The following DSCAM variants were observed in gnomAD, a reference collection of about 807,000 sequenced individuals.
The protein encoded by DSCAM is DS cell adhesion molecule, also known as cell adhesion molecule DSCAM.
In DSCAM, 47 loss-of-function variants were observed where a neutral mutation model predicts 217.7. The ratio of observed to expected loss-of-function variants is 0.22; its 90% CI spans 0.17 to 0.28. DSCAM has a LOEUF of 0.28. Among genes scored for constraint, DSCAM ranks in the 10% least tolerant of loss-of-function variants. The pLI is 1.00. For missense variants in DSCAM, 2,080 were observed against 2,618.3 expected (o/e 0.79, Z 4.49); for synonymous variants, 1,056 against 1,015.3 (o/e 1.04, Z -0.76).
At chr21:40,057,156 C>A (rs2089038469) in intron 28 of DSCAM, among the ~76,000 whole-genome samples, 3 of 152,214 alleles carry the variant, frequency 2.0e-5, no homozygotes, top group Admixed American at 2.0e-4. Flanking sequence ...AGATTGCTTG[C>A]TCTGCAGATA....
At chr21:40,056,654 T>C (rs1247122756) in intron 28 of DSCAM, among the ~76,000 whole-genome samples, 1 of 152,204 alleles carries the variant, frequency 6.6e-6, no homozygotes, top group Non-Finnish European at 1.5e-5. Context: ...AATAAGACTT[T>C]ACTAGATGTT....
At chr21:40,638,044 G>A (rs1284862466) in intron 3 of DSCAM, among the ~76,000 whole-genome samples, 1 of 152,016 alleles carries the variant, frequency 6.6e-6, no homozygotes, top group East Asian at 1.9e-4. Flanking sequence ...CAGCATTTTA[G>A]GCAAAAGTAG....
intron 11 of DSCAM, among the ~76,000 whole-genome samples, chr21:40,265,759 G>T (rs1386737129): frequency 6.6e-6 from 1 of 151,978 alleles, no homozygotes. Context: ...AATTTAAGGA[G>T]AATACAACTT....
At chr21:40,685,948 CA>C (rs896489789) in intron 3 of DSCAM, among the ~76,000 whole-genome samples, 2 of 150,560 alleles carry the variant, frequency 1.3e-5, no homozygotes, top group Non-Finnish European at 3.0e-5. Flanking sequence ...AAAACAAAAA[CA>C]AAAACAAAAA....
intron 11 of DSCAM, among the ~76,000 whole-genome samples, chr21:40,222,745 A>G (rs1462299240): frequency 6.6e-6 from 1 of 152,172 alleles, no homozygotes; most frequent in Non-Finnish European, 1.5e-5. Context: ...TCTCAGTGTA[A>G]TCTCTAGTAC....
At chr21:40,604,367 T>G (rs1284283934) in intron 3 of DSCAM, among the ~76,000 whole-genome samples, 1 of 152,204 alleles carries the variant, frequency 6.6e-6, no homozygotes, top group Non-Finnish European at 1.5e-5. Context: ...AGAACCCTAA[T>G]TCTGTTAATC....
intron 16 of DSCAM, among the ~76,000 whole-genome samples, chr21:40,151,324 A>G (rs2090421236): frequency 6.6e-6 from 1 of 151,526 alleles, no homozygotes; most frequent in South Asian, 2.1e-4. Flanking sequence ...TCCCTAGACC[A>G]CTCCCACCAA....
intron 4 of DSCAM, among the ~76,000 whole-genome samples, chr21:40,361,099 A>T (rs1939699977): frequency 6.6e-6 from 1 of 150,590 alleles, no homozygotes; most frequent in African/African-American, 2.4e-5. Context: ...TCCCCTTCAA[A>T]TTTTTTTTTG....
intron 15 of DSCAM, among the ~76,000 whole-genome samples, chr21:40,177,523 C>T (rs2090746720): frequency 1.3e-5 from 2 of 152,160 alleles, no homozygotes; most frequent in Non-Finnish European, 1.5e-5. Flanking sequence ...AACCTATTCT[C>T]TTGAAGACAA....
At chr21:40,761,508 G>A (rs749618013) in intron 1 of DSCAM, among the ~76,000 whole-genome samples, 9 of 150,976 alleles carry the variant, frequency 6.0e-5, no homozygotes, top group Non-Finnish European at 1.0e-4. Context: ...CACCAGCTAA[G>A]GAGAGAGGAC....
intron 3 of DSCAM, among the ~76,000 whole-genome samples, chr21:40,449,887 C>T (rs536099770): frequency 1.2e-3 from 181 of 152,230 alleles, no homozygotes; most frequent in African/African-American, 4.2e-3. Flanking sequence ...TAATTCTATA[C>T]ATTATAATAG....
At chr21:40,379,628 G>C (rs531294347) in intron 3 of DSCAM, among the ~76,000 whole-genome samples, 1 of 152,276 alleles carries the variant, frequency 6.6e-6, no homozygotes, top group South Asian at 2.1e-4. Context: ...CATCAGTCCA[G>C]TTGATTTGGG....
Position 40,632,091 on chromosome 21 carries a change from A to G in DSCAM, c.508+60719T>C, listed in dbSNP as rs147734063. 4.2e-3 allele frequency among the ~76,000 whole-genome samples: 638 copies of G among 152,326 alleles called. 1 individual carries two copies. Among genetic ancestry groups the G allele is most frequent in the Middle Eastern group, 0.01 (3 of 294 alleles). On this transcript the variant is annotated intron_variant, in intron 3 of 32. Coordinates refer to ENST00000400454, the MANE Select transcript of DSCAM (RefSeq NM_001389.5). ...TTTACAGCTCTGAGTTTGCAAGGGT[A>G]GTGCCCTGGGCATGGGGCCTCCAAA...
chr21:40,049,355 C>G (rs983076249), intron 30 of DSCAM, among the ~76,000 whole-genome samples: 1 of 152,106 alleles, frequency 6.6e-6, no homozygotes, highest in African/African-American at 2.4e-5. Flanking sequence ...ACCTTGGGAG[C>G]TTTTCCCTGC....
At chr21:40,352,240 A>T (rs954155956) in intron 5 of DSCAM, among the ~76,000 whole-genome samples, 8 of 152,216 alleles carry the variant, frequency 5.3e-5, no homozygotes, top group Admixed American at 2.0e-4. Flanking sequence ...TATAAACTTT[A>T]TTCAATGGAG....
At chr21:40,329,062 T>C (rs141018761) in intron 8 of DSCAM, among the ~76,000 whole-genome samples, 5 of 152,312 alleles carry the variant, frequency 3.3e-5, no homozygotes, top group East Asian at 1.9e-4. Context: ...ACTGTATTGA[T>C]AGGAATGCAA....
intron 9 of DSCAM, among the ~76,000 whole-genome samples, chr21:40,298,857 T>C (rs2073984185): frequency 6.6e-6 from 1 of 152,184 alleles, no homozygotes; most frequent in South Asian, 2.1e-4. Flanking sequence ...CTCCCCTCAA[T>C]TTGGTTCTAA....
chr21:40,686,087 CAAA>C (rs2090470174), intron 3 of DSCAM, among the ~76,000 whole-genome samples: 2 of 151,960 alleles, frequency 1.3e-5, no homozygotes, highest in Non-Finnish European at 2.9e-5. Flanking sequence ...AGTGGCCCAA[CAAA>C]TGAGGTTTTA....
intron 8 of DSCAM, among the ~76,000 whole-genome samples, chr21:40,328,625 G>T (rs1178498653): frequency 6.6e-6 from 1 of 151,970 alleles, no homozygotes; most frequent in Non-Finnish European, 1.5e-5. Context: ...CGCAAAAATA[G>T]AACAATGGGA....
Sources: gnomAD v4.1 joint callset for allele counts (sites outside exome capture counted in the v4.1 genomes callset) on GRCh38, gnomAD v4.1.1 for gene constraint, MANE v1.5 for transcripts, NCBI Gene and HGNC (gene_info 2026-07-23, HGNC 2026-07-21) for gene names.